Variants in ERMP1 observed in about 807,000 individuals in gnomAD.
The protein encoded by ERMP1 is endoplasmic reticulum metallopeptidase 1.
ERMP1 carries 86 observed loss-of-function variants against 92.0 expected under a neutral mutation model. That is an observed-to-expected ratio of 0.93 (90% CI 0.79 to 1.12). ERMP1 has a LOEUF of 1.12. Ranked by LOEUF, ERMP1 falls within the 50% of genes most tolerant of loss-of-function variation. ERMP1 has a pLI of 0.00. For synonymous variants in ERMP1, 530 were observed against 412.8 expected, an observed-to-expected ratio of 1.28 and a Z score of -3.44; for missense variants, 1,342 against 1,116.3, an observed-to-expected ratio of 1.20 and a Z score of -2.88.
chr9:5,823,808 T>C (rs1563768229), intron 4 of ERMP1, 88 bp downstream of exon 4: 2 of 864,628 alleles, frequency 2.3e-6, no homozygotes, highest in Non-Finnish European at 1.9e-6. Flanking sequence ...AGAGACTGTT[T>C]ATTGAAGATA....
chr9:5,803,596 G>A (rs1009504702), intron 10 of ERMP1, among the ~76,000 whole-genome samples: 2 of 152,114 alleles, frequency 1.3e-5, no homozygotes, highest in African/African-American at 4.8e-5. Flanking sequence ...AAACGGGGGT[G>A]TGGGGGCATT....
intron 2 of ERMP1, among the ~76,000 whole-genome samples, chr9:5,826,655 T>C (rs943648891): frequency 6.6e-6 from 1 of 152,206 alleles, no homozygotes; most frequent in African/African-American, 2.4e-5. Context: ...TCAATCGAAG[T>C]GAAACAAAGT....
At chr9:5,808,357 A>G (rs980522684) in intron 8 of ERMP1, among the ~76,000 whole-genome samples, 1 of 152,266 alleles carries the variant, frequency 6.6e-6, no homozygotes, top group Non-Finnish European at 1.5e-5. Flanking sequence ...AAAAATAAGC[A>G]TGTGAAATTG....
intron 6 of ERMP1, among the ~76,000 whole-genome samples, chr9:5,859,336 C>T (rs1056234360): frequency 6.6e-6 from 1 of 152,134 alleles, no homozygotes; most frequent in Admixed American, 6.5e-5. Context: ...AGCACTTCCC[C>T]AACCCTCATA....
upstream of ERMP1, among the ~76,000 whole-genome samples, chr9:5,835,195 A>G (rs529605007): frequency 1.1e-4 from 17 of 152,256 alleles, no homozygotes; most frequent in African/African-American, 3.9e-4. Flanking sequence ...TTTTCTCTAT[A>G]CTTGTATAGT....
In ERMP1 at chr9:5,805,307, C is replaced by G. The variant is rs775119317; in HGVS notation, c.1724-90G>C. On this transcript the variant is annotated intron_variant, in intron 9 of 14. Transcript: ENST00000339450. ...GTACTGGTGTGCCTTGGTACCCTAACAGAAATTAGGTTAGATGTGACTCTT... is the reference window on the plus strand; with the variant it reads ...GTACTGGTGTGCCTTGGTACCCTAAGAGAAATTAGGTTAGATGTGACTCTT... 10 of 985,056 alleles carry G rather than the reference C, an allele frequency of 1.0e-5. No individual in the cohort carries two copies. The East Asian group carries it at 2.6e-4, about 26-fold the overall frequency. The allele number at this position is 985,056 out of a possible 1,614,324, so 61.0% of individuals were successfully genotyped here.
intron 3 of ERMP1, among the ~76,000 whole-genome samples, chr9:5,824,479 C>T (rs1215770022): frequency 2.0e-5 from 3 of 152,140 alleles, no homozygotes; most frequent in Non-Finnish European, 2.9e-5. Context: ...CTCGGATCAC[C>T]GCAATCTCCA....
At chr9:5,848,673 T>C (rs1830268753) in intron 6 of ERMP1, among the ~76,000 whole-genome samples, 1 of 142,174 alleles carries the variant, frequency 7.0e-6, no homozygotes, top group African/African-American at 2.6e-5. Context: ...TACCACTGAG[T>C]TAAATGACCT....
At chr9:5,828,341 T>C (rs1829806552) in intron 2 of ERMP1, among the ~76,000 whole-genome samples, 1 of 152,174 alleles carries the variant, frequency 6.6e-6, no homozygotes, top group South Asian at 2.1e-4. Flanking sequence ...ACAAAAAAGC[T>C]CTCTGCCCTC....
intron 6 of ERMP1, among the ~76,000 whole-genome samples, chr9:5,858,755 G>C (rs1484597854): frequency 6.6e-6 from 1 of 152,190 alleles, no homozygotes; most frequent in Non-Finnish European, 1.5e-5. Flanking sequence ...TCAGAGAAAT[G>C]TTCAACAACA....
intron 4 of ERMP1, among the ~76,000 whole-genome samples, chr9:5,813,356 G>T (rs1040226110): frequency 6.6e-6 from 1 of 152,122 alleles, no homozygotes; most frequent in South Asian, 2.1e-4. Context: ...TACTAATGTA[G>T]AATTGTGTGT....
At chr9:5,833,204 C>T, upstream of ERMP1, 1 of 577,792 alleles carries the variant, frequency 1.7e-6, no homozygotes. Flanking sequence ...TGGCAGTTCT[C>T]GGGTGCACAC....
At chr9:5,831,999 C>T (rs905814712) in intron 1 of ERMP1, among the ~76,000 whole-genome samples, 2 of 151,932 alleles carry the variant, frequency 1.3e-5, no homozygotes, top group African/African-American at 2.4e-5. Context: ...GAAAACTTGA[C>T]GCCAGCTTAA....
intron 8 of ERMP1, among the ~76,000 whole-genome samples, chr9:5,806,354 C>T (rs910606635): frequency 6.6e-6 from 1 of 152,096 alleles, no homozygotes; most frequent in South Asian, 2.1e-4. Context: ...TTTGATCTTA[C>T]AGTTTTTGAG....
chr9:5,792,892 T>C (rs929332581), intron 13 of ERMP1, among the ~76,000 whole-genome samples: 2 of 152,068 alleles, frequency 1.3e-5, no homozygotes, highest in African/African-American at 4.8e-5. Flanking sequence ...AGAAGGCAAG[T>C]ATAATACAGG....
intron 4 of ERMP1, 32 bp downstream of exon 4, chr9:5,823,864 C>A (rs746594120): frequency 7.1e-7 from 1 of 1,418,418 alleles, no homozygotes. Flanking sequence ...ACTAGAATTG[C>A]ATTAAAATAT....
At chr9:5,818,030 T>C (rs1417377030) in intron 4 of ERMP1, among the ~76,000 whole-genome samples, 1 of 152,014 alleles carries the variant, frequency 6.6e-6, no homozygotes, top group Non-Finnish European at 1.5e-5. Context: ...ATAGATCACA[T>C]GGTGGATCTA....
chr9:5,841,256 T>G (rs1051152559), intron 6 of ERMP1, among the ~76,000 whole-genome samples: 1 of 152,210 alleles, frequency 6.6e-6, no homozygotes. Flanking sequence ...TTGTTCACAA[T>G]ATGATTCAGC....
At chr9:5,858,953 G>A (rs34425669) in intron 6 of ERMP1, among the ~76,000 whole-genome samples, 6,685 of 152,286 alleles carry the variant, frequency 0.044, 198 homozygotes, top group Middle Eastern at 0.13. Context: ...CTATATGCCT[G>A]GCTCTGCCCT....
Sources: allele counts gnomAD v4.1 joint callset (sites outside exome capture counted in the v4.1 genomes callset), GRCh38; gene constraint gnomAD v4.1.1; transcripts MANE v1.5; gene names NCBI Gene and HGNC (gene_info 2026-07-23, HGNC 2026-07-21).